PARN: variants seen among roughly 807,000 people sequenced by gnomAD.
PARN encodes poly(A)-specific ribonuclease PARN.
In PARN, 71 loss-of-function variants were observed where a neutral mutation model predicts 102.8. The observed-to-expected ratio is 0.69, with a 90% CI of 0.57 to 0.84. The LOEUF is 0.84. Ranked by LOEUF, PARN falls within the 40% of genes least tolerant of loss-of-function variation. The probability of loss-of-function intolerance (pLI) is 0.00; values close to 1 mark genes in which losing one functional copy is unlikely to be tolerated. For missense variants in PARN, 782 were observed against 760.9 expected (o/e 1.03, Z -0.33); for synonymous variants, 261 against 252.9 (o/e 1.03, Z -0.30).
chr16:14,501,132 T>C (rs572694467), intron 21 of PARN, among the ~76,000 whole-genome samples: 65 of 151,754 alleles, frequency 4.3e-4, no homozygotes, highest in Non-Finnish European at 7.7e-4. Context: ...CTTTACATAG[T>C]ATATAAATGA....
At chr16:14,557,658 G>A (rs192754894) in intron 18 of PARN, among the ~76,000 whole-genome samples, 37 of 151,772 alleles carry the variant, frequency 2.4e-4, no homozygotes, top group Admixed American at 1.4e-3. Context: ...AAAAAACGAA[G>A]TCATAGTACT....
intron 21 of PARN, among the ~76,000 whole-genome samples, chr16:14,502,554 G>T (rs1419092239): frequency 6.6e-6 from 1 of 152,164 alleles, no homozygotes; most frequent in Non-Finnish European, 1.5e-5. Context: ...CTGGGATAAG[G>T]ATAAATACTT....
At position 14,610,809 on chromosome 16, in the gene PARN, C is replaced by A; in HGVS notation, c.389G>T (p.Gly130Val). The change falls in exon 7 of 24, where the codon GGA (glycine) becomes GTA (valine). Residue 130 changes from glycine to valine, a missense_variant and splice_region_variant. By Grantham distance (109) the Gly-to-Val change is moderately radical. Transcript: ENST00000437198. ...GFDFNKVFRN[G>V]IPYLNQEEER... ...TTCTTCCTGATTTAAATATGGAATT[C>A]CTAAACACGATTTTAAAAAGAATGC... is the stretch of plus-strand genomic sequence containing the variant. The A allele has an allele frequency of 6.3e-7, 1 of 1,599,826 alleles. No individual in the cohort carries two copies. The highest frequency in any genetic ancestry group is 2.2e-5 in the East Asian group (1 of 44,788).
At position 14,530,139 on chromosome 16, in the gene PARN, AGAGAGAGGACT is replaced by A. The variant is rs1318211920; in HGVS notation, c.1480+21871_1480+21881del. On this transcript the variant is annotated intron_variant, in intron 21 of 23. Transcript: ENST00000437198. The stretch of plus-strand genomic sequence containing the variant: ...TCAAGGAGAGCCAAGCAAGGTGGAC[AGAGAGAGGACT>A]GTGCTTTAATCACGACATCCTTCTC... Among the ~76,000 whole-genome samples the A allele has an allele frequency of 6.6e-5, 10 of 152,296 alleles. No individual in the cohort carries two copies. In the South Asian group the frequency reaches 2.1e-3, roughly 32 times the overall value.
chr16:14,620,701 C>G (rs907693955), intron 5 of PARN, among the ~76,000 whole-genome samples: 1 of 152,150 alleles, frequency 6.6e-6, no homozygotes, highest in African/African-American at 2.4e-5. Flanking sequence ...TAATCATTTA[C>G]TTATAATTCA....
intron 18 of PARN, among the ~76,000 whole-genome samples, chr16:14,559,034 AAAATAT>A (rs1439094328): frequency 6.6e-6 from 1 of 152,036 alleles, no homozygotes; most frequent in Non-Finnish European, 1.5e-5. Flanking sequence ...TATAAATATA[AAAATAT>A]AAATATAAAA....
rs1047939793 is a variant in PARN at position 14,503,246 on chromosome 16, T to C, written c.1481-20419A>G. Among the ~76,000 whole-genome samples the C allele has an allele frequency of 3.3e-5, 5 of 152,138 alleles. No homozygotes were observed. The East Asian group carries it at 5.8e-4, about 18-fold the overall frequency. ...CTTCTTGGCAGCAAGGAGGTGAATG[T>C]AATGTCCACATGAGGGTAGTTTATA... On this transcript the variant is annotated intron_variant, in intron 21 of 23. Transcript: ENST00000437198.
chr16:14,584,317 T>C (rs1354435142), intron 16 of PARN, 30 bp downstream of exon 16: 2 of 1,435,104 alleles, frequency 1.4e-6, no homozygotes, highest in African/African-American at 2.8e-5. Flanking sequence ...TTACAAAGAG[T>C]TTGGAGGGTT....
chr16:14,610,859 T>A (rs1286917124), intron 6 of PARN, 50 bp from the exon 7 acceptor site: 14 of 1,319,996 alleles, frequency 1.1e-5, no homozygotes, highest in Admixed American at 3.6e-5. Context: ...CTGTCTAACA[T>A]AAAATTTGTT....
At chr16:14,437,638 C>T (rs551645644) in intron 23 of PARN, among the ~76,000 whole-genome samples, 7 of 152,256 alleles carry the variant, frequency 4.6e-5, no homozygotes, top group South Asian at 2.1e-4. Flanking sequence ...AAGTGTGGCC[C>T]GACCAGGCGT....
intron 14 of PARN, among the ~76,000 whole-genome samples, chr16:14,585,033 T>C (rs184753972): frequency 9.2e-5 from 14 of 152,318 alleles, no homozygotes; most frequent in East Asian, 1.9e-4. Flanking sequence ...AGCGACTTCA[T>C]TGAGCAACTG....
At chr16:14,540,950 T>C (rs976100648) in intron 21 of PARN, among the ~76,000 whole-genome samples, 20 of 151,784 alleles carry the variant, frequency 1.3e-4, no homozygotes, top group African/African-American at 4.4e-4. Flanking sequence ...GACTCCGTCT[T>C]GAAAAAACAA....
chr16:14,527,563 C>T (rs1233778428), intron 21 of PARN, among the ~76,000 whole-genome samples: 1 of 152,206 alleles, frequency 6.6e-6, no homozygotes, highest in African/African-American at 2.4e-5. Flanking sequence ...CTACAAACCT[C>T]TGATCACATG....
intron 22 of PARN, among the ~76,000 whole-genome samples, chr16:14,448,727 G>A (rs2151558945): frequency 1.3e-5 from 2 of 152,350 alleles, no homozygotes; most frequent in South Asian, 4.1e-4. Flanking sequence ...GGACAGAGGA[G>A]AAGAACACAC....
intron 23 of PARN, among the ~76,000 whole-genome samples, chr16:14,444,079 A>C (rs1181349280): frequency 6.6e-6 from 1 of 152,204 alleles, no homozygotes; most frequent in African/African-American, 2.4e-5. Context: ...ATTAAAGTAA[A>C]TGAGCAAGCC....
intron 21 of PARN, among the ~76,000 whole-genome samples, chr16:14,500,695 A>G (rs1354408749): frequency 6.6e-6 from 1 of 152,184 alleles, no homozygotes; most frequent in East Asian, 1.9e-4. Context: ...AGCATGTCCA[A>G]TGAATAAATT....
intron 21 of PARN, among the ~76,000 whole-genome samples, chr16:14,511,127 T>C (rs1348018798): frequency 6.6e-6 from 1 of 152,220 alleles, no homozygotes; most frequent in South Asian, 2.1e-4. Flanking sequence ...CTTTAAATTA[T>C]ACATTAGTCT....
At chr16:14,577,072 C>G (rs1413991116) in intron 18 of PARN, among the ~76,000 whole-genome samples, 1 of 152,162 alleles carries the variant, frequency 6.6e-6, no homozygotes, top group African/African-American at 2.4e-5. Context: ...AATGTTAAGT[C>G]TGGTGAGAGC....
At chr16:14,510,542 A>G (rs139897803) in intron 21 of PARN, among the ~76,000 whole-genome samples, 422 of 152,320 alleles carry the variant, frequency 2.8e-3, no homozygotes, top group African/African-American at 8.7e-3. Context: ...AATCTTTATG[A>G]TTTAAAAAAG....
Sources: gnomAD v4.1 joint callset for allele counts (sites outside exome capture counted in the v4.1 genomes callset) on GRCh38, gnomAD v4.1.1 for gene constraint, MANE v1.5 for transcripts, NCBI Gene and HGNC (gene_info 2026-07-23, HGNC 2026-07-21) for gene names.